The following AGRN variants were observed in gnomAD, a reference collection of about 807,000 sequenced individuals.
AGRN encodes the protein agrin.
AGRN carries 106 observed loss-of-function variants against 211.0 expected under a neutral mutation model. That is an observed-to-expected ratio of 0.50 (90% CI 0.43 to 0.59). The LOEUF (loss-of-function observed/expected upper bound fraction) is 0.59. Ranked by LOEUF, AGRN falls within the 20% of genes least tolerant of loss-of-function variation. AGRN has a pLI of 0.00. For synonymous variants in AGRN, 1,525 were observed against 1,332.5 expected (o/e 1.14, Z -3.15); for missense variants, 3,040 against 2,982.6 (o/e 1.02, Z -0.45).
intron 2 of AGRN, among the ~76,000 whole-genome samples, chr1:1,026,628 AC>A (rs1415489633): frequency 2.0e-5 from 3 of 151,732 alleles, no homozygotes; most frequent in East Asian, 1.9e-4. Context: ...GCAGGAACGG[AC>A]CCCCTCCCTG....
At position 1,055,670 on chromosome 1, in the gene AGRN, T is replaced by G. The variant is rs1345897736; in HGVS notation, c.*689T>G. Reference sequence around the variant, plus strand: ...CTATCGAGAGGAGCTCACTGTGGGATGGGGTTGACCTCTGCCGCCTGCCTG... The same window carrying G: ...CTATCGAGAGGAGCTCACTGTGGGAGGGGGTTGACCTCTGCCGCCTGCCTG... On this transcript the variant is annotated 3_prime_UTR_variant, in exon 36 of 36. Coordinates refer to ENST00000379370, the MANE Select transcript of AGRN (RefSeq NM_198576.4). The G allele has an allele frequency of 6.3e-6, 1 of 158,258 alleles. No homozygotes were observed. The highest frequency in any genetic ancestry group is 6.0e-5 in the Admixed American group (1 of 16,658). The allele number at this position is 158,258 out of a possible 1,614,324, so 9.8% of individuals were successfully genotyped here. A position where few individuals can be genotyped will look rare whatever the true frequency, so the allele number is the denominator to read the frequency against.
In AGRN at chr1:1,041,936, C is replaced by T. The variant is rs546080876; in HGVS notation, c.1178-20C>T. 12 of 1,610,690 alleles carry T rather than the reference C, an allele frequency of 7.5e-6. No individual in the cohort carries two copies. The highest frequency in any genetic ancestry group is 2.7e-5 in the African/African-American group (2 of 74,958). ...AGGGTGCTCCAGCCTCTCCGTGACT[C>T]CCTCACCCCTGCGTCCTAGACCAGT... On this transcript the variant is annotated intron_variant, in intron 6 of 35. Transcript: ENST00000379370.
rs1645351265 is a variant in AGRN, at chr1:1,052,986, GGTGTGTCTGTGTGTGTTCGTGTACAC to G, written c.5652-760_5652-735del. On this transcript the variant is annotated intron_variant, in intron 33 of 35. Coordinates refer to ENST00000379370, the MANE Select transcript of AGRN (RefSeq NM_198576.4). ...AACAGGTGTAAGTGGGGAGCACTCA[GGTGTGTCTGTGTGTGTTCGTGTACAC>G]GTGTGTATGTGTGTGAACATGGAGG... The G allele has an allele frequency of 5.1e-5, 9 of 176,166 alleles. No individual in the cohort carries two copies. In the South Asian group the frequency reaches 1.2e-3, roughly 23 times the overall value. 10.9% of individuals were successfully genotyped at this position (176,166 alleles called of 1,614,324 possible).
rs182205856 is a variant in AGRN, at chr1:1,028,355, G to A, written c.463+5893G>A. Among the ~76,000 whole-genome samples the A allele has an allele frequency of 6.1e-3, 820 of 133,686 alleles. 7 individuals carry two copies. Among genetic ancestry groups the A allele is most frequent in the South Asian group, 0.022 (81 of 3,732 alleles). 87.7% of individuals were successfully genotyped at this position (133,686 alleles called of 152,430 possible). A position where few individuals can be genotyped will look rare whatever the true frequency, so the allele number is the denominator to read the frequency against. On this transcript the variant is annotated intron_variant, in intron 2 of 35. Transcript: ENST00000379370. ...CCCCCCCGCCCTGCACCTGGCTGGC[G>A]GCACCTGTGGGCACTGACCACTCCA...
At chr1:1,054,010 G>A (rs751333083) in intron 34 of AGRN, 33 bp downstream of exon 34, 2 of 1,557,696 alleles carry the variant, frequency 1.3e-6, no homozygotes, top group Non-Finnish European at 1.7e-6. Context: ...CGAGAATAGT[G>A]GCGAGGGCTG....
At position 1,048,682 on chromosome 1, in the gene AGRN, G is replaced by A. The variant is rs968046697; in HGVS notation, c.4106-185G>A. 4 of 715,562 alleles carry A rather than the reference G, an allele frequency of 5.6e-6. No individual in the cohort carries two copies. Among genetic ancestry groups the A allele is most frequent in the East Asian group, 2.8e-5 (1 of 35,698 alleles). The allele number at this position is 715,562 out of a possible 1,614,324, so 44.3% of individuals were successfully genotyped here. A position where few individuals can be genotyped will look rare whatever the true frequency, so the allele number is the denominator to read the frequency against. The stretch of plus-strand genomic sequence containing the variant: ...CTCGTGAGGCTGAGGCAGGAGAATC[G>A]CTTGAACCTGGCAGGCGGAGGTTGC... On this transcript the variant is annotated intron_variant, in intron 23 of 35. Transcript: ENST00000379370. This position sits in a 1 kb window ranked among gnomAD's most constrained non-coding sequence, Gnocchi z 5.9.
chr1:1,053,761 C>T lies in AGRN; in HGVS notation c.5660C>T (p.Ala1887Val). Reference protein sequence around the residue: ...YLNAVTESEKALQSNHFELSL... With the variant: ...YLNAVTESEKVLQSNHFELSL... ...TGCCCTCTGCCCTCCAGCGAGAAGG[C>T]ACTGCAGAGCAACCACTTTGAACTG... The change falls in exon 34 of 36, where the codon GCA becomes GTA. Residue 1887 changes from alanine (A) to valine (V), a missense_variant. Ala to Val is a moderately conservative substitution (Grantham distance 64). Coordinates refer to ENST00000379370, the MANE Select transcript of AGRN (RefSeq NM_198576.4). 1 of 1,604,092 alleles carries T rather than the reference C, an allele frequency of 6.2e-7. No homozygotes were observed. The highest frequency in any genetic ancestry group is 8.5e-7 in the Non-Finnish European group (1 of 1,176,250).
Position 1,041,317 on chromosome 1 carries a change from A to T in AGRN, c.872A>T (p.Asp291Val). 1 of 1,522,292 alleles carries T rather than the reference A, an allele frequency of 6.6e-7. No individual in the cohort carries two copies. The highest frequency in any genetic ancestry group is 8.8e-7 in the Non-Finnish European group (1 of 1,141,316). The allele number at this position is 1,522,292 out of a possible 1,614,324, so 94.3% of individuals were successfully genotyped here. The change falls in exon 5 of 36, where the codon GAC becomes GTC. Residue 291 changes from aspartate (D) to valine (V), a missense_variant. Around this residue, in one of 3 missense-constraint regions of AGRN, gnomAD observed 1,498 missense variants for 1,457.8 expected, o/e 1.03. Coordinates refer to ENST00000379370, the MANE Select transcript of AGRN (RefSeq NM_198576.4). The part of the protein sequence containing the change: ...EGTVCGSDGA[D>V]YPGECQLLRR... ...ACCGTCTGCGGCAGCGACGGCGCCG[A>T]CTACCCCGGCGAGTGCCAGCTCCTG...
At chr1:1,023,336 G>A (rs1012380970) in intron 2 of AGRN, among the ~76,000 whole-genome samples, 1 of 152,194 alleles carries the variant, frequency 6.6e-6, no homozygotes, top group African/African-American at 2.4e-5. Context: ...CCTTCTCTGT[G>A]CATGCCTGGG....
At chr1:1,041,926 C>T in intron 6 of AGRN, 30 bp from the exon 7 acceptor site, 1 of 1,609,362 alleles carries the variant, frequency 6.2e-7, no homozygotes, top group Non-Finnish European at 8.5e-7. Context: ...GCTCCAGCCT[C>T]TCCGTGACTC....
Position 1,048,310 on chromosome 1 carries a change from C to T in AGRN, c.4050C>T (p.Gly1350=), listed in dbSNP as rs750911464. The change falls in exon 23 of 36, where the codon GGC becomes GGT. Residue 1350 remains glycine (G), a synonymous_variant. Transcript: ENST00000379370. This position sits in a 1 kb window ranked among gnomAD's most constrained non-coding sequence, Gnocchi z 5.9. ...HGGTCQDWAL[G]GGFTCSCPAG... is the part of the protein sequence containing the mutation. ...GGACCTGCCAGGACTGGGCATTGGG[C>T]GGGGGCTTCACCTGCAGCTGCCCGG... is the stretch of plus-strand genomic sequence containing the variant. 89 of 1,493,258 alleles carry T rather than the reference C, an allele frequency of 6.0e-5. No individual in the cohort carries two copies. In the East Asian group the frequency reaches 1.7e-3, roughly 28 times the overall value. 92.5% of individuals were successfully genotyped at this position (1,493,258 alleles called of 1,614,324 possible).
intron 2 of AGRN, 200 bp from the exon 3 acceptor site, chr1:1,035,077 C>G (rs1310742818): frequency 5.9e-5 from 39 of 662,310 alleles, no homozygotes; most frequent in Non-Finnish European, 9.0e-5. Context: ...GCTGGAGGGG[C>G]AGAGAAAAGC....
chr1:1,040,567 G>C (rs1253895164), intron 3 of AGRN, 98 bp from the exon 4 acceptor site: 68 of 1,419,650 alleles, frequency 4.8e-5, no homozygotes, highest in Non-Finnish European at 6.7e-6. Context: ...GCGGGGGCGG[G>C]TGAATGCGCG....
In AGRN at chr1:1,048,822, A is replaced by G. The variant is rs115499153; in HGVS notation, c.4106-45A>G. ...GCGGTTTCAGGGATAAAAGTGGGGAATCCTCGGAGCTTTTCCAGCCGGCCC... is the reference window on the plus strand; with the variant it reads ...GCGGTTTCAGGGATAAAAGTGGGGAGTCCTCGGAGCTTTTCCAGCCGGCCC... On this transcript the variant is annotated intron_variant, in intron 23 of 35. Coordinates refer to ENST00000379370, the MANE Select transcript of AGRN (RefSeq NM_198576.4). This position sits in a 1 kb window ranked among gnomAD's most constrained non-coding sequence, Gnocchi z 5.9. The G allele has an allele frequency of 0.011, 16,127 of 1,487,746 alleles. 1,344 individuals carry two copies. The African/African-American group carries it at 0.19, about 18-fold the overall frequency. The allele number at this position is 1,487,746 out of a possible 1,614,324, so 92.2% of individuals were successfully genotyped here. A position where few individuals can be genotyped will look rare whatever the true frequency, so the allele number is the denominator to read the frequency against.
At position 1,043,648 on chromosome 1, in the gene AGRN, C is replaced by G; in HGVS notation, c.1714C>G (p.His572Asp). 6.2e-7 allele frequency: 1 copy of G among 1,601,574 alleles called. No individual in the cohort carries two copies. The highest frequency in any genetic ancestry group is 2.2e-5 in the East Asian group (1 of 44,842). ...LAQPVCGSDGHTYPSECMLHV... is the reference protein window; with the variant it reads ...LAQPVCGSDGDTYPSECMLHV... ...CCAGCCCGTGTGTGGCTCCGACGGG[C>G]ACACGTACCCCAGCGAGTGCATGCT... is the stretch of plus-strand genomic sequence containing the variant. Residue 572 changes from histidine (H) to aspartate (D), a missense_variant, in exon 9 of 36, where the codon CAC becomes GAC. Transcript: ENST00000379370.
rs753129574 is a variant in AGRN, at chr1:1,047,350, C to T, written c.3412C>T (p.Leu1138=). 1.2e-6 allele frequency: 2 copies of T among 1,607,384 alleles called. No individual in the cohort carries two copies. Among genetic ancestry groups the T allele is most frequent in the Admixed American group, 1.7e-5 (1 of 58,928 alleles). The change falls in exon 20 of 36, where the codon CTG becomes TTG. Residue 1138 remains leucine (L), a synonymous_variant. Coordinates refer to ENST00000379370, the MANE Select transcript of AGRN (RefSeq NM_198576.4). The stretch of plus-strand genomic sequence containing the variant: ...AGCCACCAAGGTGTTCCAGGGCGTC[C>T]TGGAGCTGGAGGGCGTCGAGGGCCA... ...CPATKVFQGV[L]ELEGVEGQEL... is the part of the protein sequence containing the mutation.
intron 2 of AGRN, 39 bp from the exon 3 acceptor site, chr1:1,035,238 G>A (rs766659151): frequency 1.2e-6 from 2 of 1,611,012 alleles, no homozygotes; most frequent in Non-Finnish European, 1.7e-6. Context: ...GGAGGAGCCT[G>A]CTCAGAGGAG....
At position 1,045,717 on chromosome 1, in the gene AGRN, C is replaced by A. The variant is rs764411753; in HGVS notation, c.2537-16C>A. On this transcript the variant is annotated splice_polypyrimidine_tract_variant and intron_variant, in intron 14 of 35. Transcript: ENST00000379370. ...CCAGGTGCGGACATCACGTTCCTCC[C>A]CGATTTTCCCCAAAGCCTGCAGCTG... 1.2e-6 allele frequency: 2 copies of A among 1,613,278 alleles called. No individual in the cohort carries two copies. Among genetic ancestry groups the A allele is most frequent in the Admixed American group, 3.3e-5 (2 of 60,028 alleles).
intron 2 of AGRN, among the ~76,000 whole-genome samples, chr1:1,022,884 C>T (rs572829333): frequency 1.3e-5 from 2 of 152,342 alleles, no homozygotes; most frequent in East Asian, 1.9e-4. Flanking sequence ...GGCGGGAGGG[C>T]GAGGCTGTGC....
Sources: allele counts gnomAD v4.1 joint callset (sites outside exome capture counted in the v4.1 genomes callset), GRCh38; gene constraint gnomAD v4.1.1; regional missense constraint gnomAD v4.1.1; non-coding constraint Gnocchi (gnomAD v3.1); transcripts MANE v1.5; gene names NCBI Gene and HGNC (gene_info 2026-07-23, HGNC 2026-07-21).